Variants in SMURF1 observed in about 807,000 individuals in gnomAD.
SMURF1 encodes the protein SMAD specific E3 ubiquitin protein ligase 1.
SMURF1 carries 44 observed loss-of-function variants against 98.0 expected under a neutral mutation model. The observed-to-expected ratio is 0.45, with a 90% confidence interval of 0.35 to 0.58. The LOEUF is 0.58. Among genes scored for constraint, SMURF1 ranks in the 20% least tolerant of loss-of-function variants. The pLI is 0.00. For missense variants in SMURF1, 687 were observed against 938.4 expected (o/e 0.73, Z 3.50); for synonymous variants, 396 against 374.9 (o/e 1.06, Z -0.65).
intron 1 of SMURF1, among the ~76,000 whole-genome samples, chr7:99,070,280 G>T (rs1796287369): frequency 6.6e-6 from 1 of 152,124 alleles, no homozygotes; most frequent in Non-Finnish European, 1.5e-5. Flanking sequence ...TTCCCTGCCA[G>T]CACCAAACAT....
chr7:99,059,207 G>A (rs985974613), intron 3 of SMURF1, among the ~76,000 whole-genome samples: 19 of 151,186 alleles, frequency 1.3e-4, no homozygotes, highest in Non-Finnish European at 2.4e-4. Flanking sequence ...AGACCATCCC[G>A]GCTAAAACGG....
intron 1 of SMURF1, chr7:99,121,225 C>CAAAAAA (rs550195057): frequency 6.1e-4 from 61 of 99,730 alleles, no homozygotes; most frequent in African/African-American, 1.6e-3. Flanking sequence ...AGAGTCAAAG[C>CAAAAAA]AAAAAAAAAA....
chr7:99,048,784 C>G (rs1795664014), intron 9 of SMURF1: 1 of 152,180 alleles, frequency 6.6e-6, no homozygotes, highest in Admixed American at 6.5e-5. Context: ...AGACACAGAG[C>G]TGTCGGTTAA....
chr7:99,139,874 T>G (rs1429979989), intron 1 of SMURF1, among the ~76,000 whole-genome samples: 1 of 152,208 alleles, frequency 6.6e-6, no homozygotes, highest in Admixed American at 6.5e-5. Flanking sequence ...CCCAACAGTT[T>G]TCAAAAACAA....
intron 17 of SMURF1, 76 bp downstream of exon 17, chr7:99,032,960 AC>A (rs1050683062): frequency 2.0e-6 from 3 of 1,489,554 alleles, no homozygotes; most frequent in Non-Finnish European, 2.8e-6. Context: ...TCAAAAAAAA[AC>A]AACAAAAAAA....
intron 11 of SMURF1, 69 bp downstream of exon 11, chr7:99,045,629 G>A (rs1795548482): frequency 1.5e-6 from 2 of 1,339,974 alleles, no homozygotes; most frequent in Non-Finnish European, 2.1e-6. Context: ...CACTGGAGAA[G>A]GGCAAATGAC....
chr7:99,032,288 T>C (rs893031362), intron 17 of SMURF1, among the ~76,000 whole-genome samples: 1 of 152,244 alleles, frequency 6.6e-6, no homozygotes, highest in African/African-American at 2.4e-5. Context: ...TGCAAAGTAC[T>C]TGTCCCATCT....
At chr7:99,110,066 AT>A (rs1016364204) in intron 1 of SMURF1, among the ~76,000 whole-genome samples, 1 of 152,200 alleles carries the variant, frequency 6.6e-6, no homozygotes, top group Non-Finnish European at 1.5e-5. Context: ...GTTCATTGAT[AT>A]GATTATCAGG....
chr7:99,119,718 G>T (rs1197882326), intron 1 of SMURF1, among the ~76,000 whole-genome samples: 1 of 152,156 alleles, frequency 6.6e-6, no homozygotes, highest in Non-Finnish European at 1.5e-5. Context: ...GATCTCCCCA[G>T]TTGGGGGCCT....
At position 99,063,418 on chromosome 7, in the gene SMURF1, G is replaced by C. The variant is rs111788074; in HGVS notation, c.56-1581C>G. 8.1e-3 allele frequency among the ~76,000 whole-genome samples: 1,192 copies of C among 147,746 alleles called. 11 individuals carry two copies. The highest frequency in any genetic ancestry group is 0.026 in the African/African-American group (1,028 of 39,916). On this transcript the variant is annotated intron_variant, in intron 1 of 17. Transcript: ENST00000361368. ...AGGGATCCTCCAGCCTCAGCCTCTC[G>C]AGTTGCTGGGACTACAGGCACACAC...
Position 99,122,327 on chromosome 7 carries a change from CA to C in SMURF1, c.55+21398del, listed in dbSNP as rs1210398152. ...TGGGCAATAGAGTGAGACTCTGTCT[CA>C]AAAAAAAAAAAGAAGAAGAAGAAGA... is the stretch of plus-strand genomic sequence containing the variant. On this transcript the variant is annotated intron_variant, in intron 1 of 17. Coordinates refer to ENST00000361368, the MANE Select transcript of SMURF1 (RefSeq NM_181349.3). Among the ~76,000 whole-genome samples, 153 of 99,178 alleles carry C rather than the reference CA, an allele frequency of 1.5e-3. 1 individual carries two copies. Among genetic ancestry groups the C allele is most frequent in the Admixed American group, 1.6e-3 (14 of 8,670 alleles). 65.1% of individuals were successfully genotyped at this position (99,178 alleles called of 152,430 possible).
chr7:99,084,351 G>A (rs1320392774), intron 1 of SMURF1, among the ~76,000 whole-genome samples: 2 of 152,164 alleles, frequency 1.3e-5, no homozygotes, highest in Admixed American at 6.5e-5. Context: ...CGCGATCTCA[G>A]CTCACTGCAA....
intron 3 of SMURF1, among the ~76,000 whole-genome samples, chr7:99,058,319 G>A (rs113419125): frequency 9.9e-5 from 15 of 151,794 alleles, no homozygotes; most frequent in African/African-American, 2.2e-4. Flanking sequence ...TAGTAGAGAC[G>A]GGGTTTCACC....
In SMURF1 at chr7:99,027,463, T is replaced by C. The variant is rs1295242592; in HGVS notation, c.*3121A>G. On this transcript the variant is annotated 3_prime_UTR_variant, in exon 18 of 18. Coordinates refer to ENST00000361368, the MANE Select transcript of SMURF1 (RefSeq NM_181349.3). Reference sequence around the variant, plus strand: ...TGTAAAGTCGTGAGTTTATTGCATATGTAACAAAATGAACCTGACCTCCTG... The same window carrying C: ...TGTAAAGTCGTGAGTTTATTGCATACGTAACAAAATGAACCTGACCTCCTG... 1 of 152,626 alleles carries C rather than the reference T, an allele frequency of 6.6e-6. No homozygotes were observed. The highest frequency in any genetic ancestry group is 1.5e-5 in the Non-Finnish European group (1 of 68,036). The allele number at this position is 152,626 out of a possible 1,614,324, so 9.5% of individuals were successfully genotyped here. A position where few individuals can be genotyped will look rare whatever the true frequency, so the allele number is the denominator to read the frequency against.
chr7:99,036,093 T>C (rs955750317), intron 15 of SMURF1: 1 of 263,002 alleles, frequency 3.8e-6, no homozygotes, highest in Non-Finnish European at 7.4e-6. Context: ...CTCAAGGACA[T>C]GTGGAGTTTC....
chr7:99,116,524 A>G (rs1329486467), intron 1 of SMURF1, among the ~76,000 whole-genome samples: 1 of 152,256 alleles, frequency 6.6e-6, no homozygotes, highest in Non-Finnish European at 1.5e-5. Flanking sequence ...GAACTGCAAA[A>G]TACAAGATCA....
At position 99,136,511 on chromosome 7, in the gene SMURF1, A is replaced by T. The variant is rs545335049; in HGVS notation, c.55+7215T>A. On this transcript the variant is annotated intron_variant, in intron 1 of 17. Coordinates refer to ENST00000361368, the MANE Select transcript of SMURF1 (RefSeq NM_181349.3). ...CAGCTGATCTTTTGGGCTTTTAAAG[A>T]TATATCATAACGTCTATAAATAACA... Among the ~76,000 whole-genome samples the T allele has an allele frequency of 1.2e-4, 18 of 152,290 alleles. No individual in the cohort carries two copies. The East Asian group carries it at 3.3e-3, about 28-fold the overall frequency.
At chr7:99,049,925 C>G (rs991428745) in intron 8 of SMURF1, 1 of 455,150 alleles carries the variant, frequency 2.2e-6, no homozygotes, top group Admixed American at 4.0e-5. Flanking sequence ...TAAAACCAAA[C>G]TTTCAGGCTG....
intron 1 of SMURF1, among the ~76,000 whole-genome samples, chr7:99,102,037 T>A (rs1797094939): frequency 6.6e-6 from 1 of 152,186 alleles, no homozygotes; most frequent in African/African-American, 2.4e-5. Context: ...TGTGATATTA[T>A]GATGCACATT....
Sources: allele counts gnomAD v4.1 joint callset (sites outside exome capture counted in the v4.1 genomes callset), GRCh38; gene constraint gnomAD v4.1.1; transcripts MANE v1.5; gene names NCBI Gene and HGNC (gene_info 2026-07-23, HGNC 2026-07-21).